TBC1D22A: variants seen among roughly 807,000 people sequenced by gnomAD.
TBC1D22A encodes putative GTPase activator.
A neutral mutation model predicts 60.2 loss-of-function variants in TBC1D22A; 38 were observed. The ratio of observed to expected loss-of-function variants is 0.63; its 90% CI spans 0.49 to 0.83. The LOEUF (loss-of-function observed/expected upper bound fraction) is 0.83. Among genes scored for constraint, TBC1D22A ranks in the 40% least tolerant of loss-of-function variants. TBC1D22A has a pLI of 0.00. For synonymous variants in TBC1D22A, 302 were observed against 281.7 expected, an observed-to-expected ratio of 1.07 and a Z score of -0.72; for missense variants, 628 against 701.0, an observed-to-expected ratio of 0.90 and a Z score of 1.18.
intron 12 of TBC1D22A, among the ~76,000 whole-genome samples, chr22:47,148,774 C>T (rs973336304): frequency 6.6e-6 from 1 of 151,842 alleles, no homozygotes; most frequent in African/African-American, 2.4e-5. Flanking sequence ...CCTGGGGTCC[C>T]TCTCTCCCCT....
intron 10 of TBC1D22A, among the ~76,000 whole-genome samples, chr22:47,005,929 C>A (rs374630793): frequency 1.3e-5 from 2 of 151,862 alleles, no homozygotes; most frequent in African/African-American, 4.8e-5. Flanking sequence ...TATGCACACA[C>A]ACACACCCTT....
At chr22:46,913,858 A>ATAT (rs2070144115) in intron 8 of TBC1D22A, 1 of 760,858 alleles carries the variant, frequency 1.3e-6, no homozygotes, top group East Asian at 1.3e-4. Flanking sequence ...TATCTGCAAG[A>ATAT]CAGGATGAAG....
chr22:46,770,313 C>T (rs1296061602), intron 1 of TBC1D22A, among the ~76,000 whole-genome samples: 1 of 152,228 alleles, frequency 6.6e-6, no homozygotes, highest in African/African-American at 2.4e-5. Context: ...TGCCGCCAAC[C>T]GGAGTGAGCA....
At chr22:47,145,210 G>T (rs13058583) in intron 12 of TBC1D22A, among the ~76,000 whole-genome samples, 3 of 152,224 alleles carry the variant, frequency 2.0e-5, no homozygotes, top group South Asian at 2.1e-4. Context: ...TCTGCCAAAG[G>T]TTGGCCCAGG....
At chr22:46,951,160 T>C (rs1345338266) in intron 8 of TBC1D22A, among the ~76,000 whole-genome samples, 1 of 152,216 alleles carries the variant, frequency 6.6e-6, no homozygotes, top group African/African-American at 2.4e-5. Flanking sequence ...TTGCAGCTTT[T>C]CTTCTCTCTG....
intron 10 of TBC1D22A, among the ~76,000 whole-genome samples, chr22:47,014,426 A>T (rs893787199): frequency 2.6e-5 from 4 of 152,180 alleles, no homozygotes; most frequent in Admixed American, 6.5e-5. Flanking sequence ...GGGCCCCATC[A>T]GTCCCCGCTG....
At chr22:47,082,545 G>C (rs921208651) in intron 11 of TBC1D22A, among the ~76,000 whole-genome samples, 2 of 152,204 alleles carry the variant, frequency 1.3e-5, no homozygotes, top group Non-Finnish European at 2.9e-5. Context: ...ATTACAAATA[G>C]CCCACTTTAA....
rs371067175 is a variant in TBC1D22A at position 47,041,980 on chromosome 22, A to T, written c.1329+4782A>T. On this transcript the variant is annotated intron_variant, in intron 11 of 12. Transcript: ENST00000337137. ...CTGCACCAAGCACAGAGCAGGCATC[A>T]GGCAAGATTGTCTCCCCAGCCCTTA... Among the ~76,000 whole-genome samples, 8 of 152,376 alleles carry T rather than the reference A, an allele frequency of 5.3e-5. No homozygotes were observed. The South Asian group carries it at 1.0e-3, about 20-fold the overall frequency.
intron 8 of TBC1D22A, among the ~76,000 whole-genome samples, chr22:46,930,593 C>G (rs1171964435): frequency 4.6e-5 from 7 of 151,022 alleles, no homozygotes; most frequent in Non-Finnish European, 8.8e-5. Flanking sequence ...GTAGCTGGGA[C>G]TACGGGCGCC....
chr22:47,023,536 A>G (rs1603042947), intron 10 of TBC1D22A, among the ~76,000 whole-genome samples: 1 of 152,368 alleles, frequency 6.6e-6, no homozygotes, highest in Non-Finnish European at 1.5e-5. Flanking sequence ...GAAAACCAGA[A>G]CAAGGCATGT....
intron 8 of TBC1D22A, chr22:46,915,142 C>T (rs1219461782): frequency 1.8e-5 from 6 of 329,194 alleles, no homozygotes; most frequent in East Asian, 7.6e-5. Flanking sequence ...CAGGGGTGTG[C>T]GAAACCCCCA....
At chr22:47,111,700 T>C (rs2065852648) in intron 12 of TBC1D22A, 97 bp downstream of exon 12, 1 of 1,152,510 alleles carries the variant, frequency 8.7e-7, no homozygotes, top group South Asian at 1.4e-5. Context: ...TGGAAGAGTT[T>C]TGAGAAGCGC....
chr22:47,117,705 A>C (rs529915133), intron 12 of TBC1D22A, among the ~76,000 whole-genome samples: 79 of 152,362 alleles, frequency 5.2e-4, no homozygotes, highest in African/African-American at 1.9e-3. Context: ...CTCCTTGTAG[A>C]GGCTGTGATC....
chr22:46,899,885 T>G (rs1364113855), intron 7 of TBC1D22A, among the ~76,000 whole-genome samples: 1 of 152,162 alleles, frequency 6.6e-6, no homozygotes, highest in Non-Finnish European at 1.5e-5. Flanking sequence ...ACTTTGATTT[T>G]TTTAGTTGTG....
At chr22:46,814,827 TA>T in intron 4 of TBC1D22A, among the ~76,000 whole-genome samples, 1 of 149,906 alleles carries the variant, frequency 6.7e-6, no homozygotes, top group African/African-American at 2.5e-5. Context: ...TTTTTTTTTG[TA>T]TTTTTAGTAG....
At chr22:46,860,654 TC>T (rs545272479) in intron 4 of TBC1D22A, among the ~76,000 whole-genome samples, 1 of 152,056 alleles carries the variant, frequency 6.6e-6, no homozygotes, top group South Asian at 2.1e-4. Flanking sequence ...GGAACCAGAA[TC>T]CTTTTCGATA....
chr22:47,172,025 C>CCCAGTGAGCCTACCCAGCACTG, intron 12 of TBC1D22A, among the ~76,000 whole-genome samples: 1 of 74,916 alleles, frequency 1.3e-5, no homozygotes, highest in African/African-American at 6.5e-5. Flanking sequence ...ACCCAGCACT[C>CCCAGTGAGCCTACCCAGCACTG]CCAGTGAGCC....
At chr22:47,166,618 CTTGT>C (rs971755584) in intron 12 of TBC1D22A, among the ~76,000 whole-genome samples, 1 of 152,238 alleles carries the variant, frequency 6.6e-6, no homozygotes, top group African/African-American at 2.4e-5. Context: ...TGTCTCTTTT[CTTGT>C]TTATTTCTCC....
intron 8 of TBC1D22A, among the ~76,000 whole-genome samples, chr22:46,920,084 T>TATGTATGTATGTATGTATGTATGTATGA (rs146766434): frequency 1.3e-4 from 19 of 149,106 alleles, no homozygotes; most frequent in Non-Finnish European, 2.2e-4. Flanking sequence ...TGTATGTATG[T>TATGTATGTATGTATGTATGTATGTATGA]ATGAATGAAG....
Sources: gnomAD v4.1 joint callset for allele counts (sites outside exome capture counted in the v4.1 genomes callset) on GRCh38, gnomAD v4.1.1 for gene constraint, MANE v1.5 for transcripts, NCBI Gene and HGNC (gene_info 2026-07-23, HGNC 2026-07-21) for gene names.